PDE1C: variants seen among roughly 807,000 people sequenced by gnomAD.
The protein encoded by PDE1C is dual specificity calcium/calmodulin-dependent 3',5'-cyclic nucleotide phosphodiesterase 1C.
In PDE1C, 62 loss-of-function variants were observed where a neutral mutation model predicts 93.1. The observed-to-expected ratio is 0.67, with a 90% CI of 0.54 to 0.82. The LOEUF is 0.82. PDE1C is among the 40% of genes least tolerant of loss of function. The probability of loss-of-function intolerance (pLI) is 0.00; values close to 1 mark genes in which losing one functional copy is unlikely to be tolerated. For missense variants in PDE1C, 742 were observed against 884.6 expected, an observed-to-expected ratio of 0.84 and a Z score of 2.04; for synonymous variants, 325 against 310.1, an observed-to-expected ratio of 1.05 and a Z score of -0.50.
intron 2 of PDE1C, among the ~76,000 whole-genome samples, chr7:31,956,675 A>C (rs1808195425): frequency 6.6e-6 from 1 of 152,052 alleles, no homozygotes; most frequent in Admixed American, 6.5e-5. Flanking sequence ...AACAAAAAAA[A>C]AACCAGAATG....
chr7:31,680,942 T>G, the PDE1C span, among the ~76,000 whole-genome samples: 2 of 152,180 alleles, frequency 1.3e-5, no homozygotes, highest in Non-Finnish European at 2.9e-5. Flanking sequence ...TACCTGGTCC[T>G]GACAAGTGAG....
intron 1 of PDE1C, among the ~76,000 whole-genome samples, chr7:32,363,464 A>G (rs1226123081): frequency 6.6e-6 from 1 of 152,238 alleles, no homozygotes; most frequent in Admixed American, 6.5e-5. Flanking sequence ...CCTAGGATAC[A>G]AAGGTCCCAA....
At chr7:32,038,424 G>A (rs1328054494) in intron 2 of PDE1C, among the ~76,000 whole-genome samples, 1 of 152,136 alleles carries the variant, frequency 6.6e-6, no homozygotes, top group Admixed American at 6.5e-5. Context: ...TTTTTATTGG[G>A]AGGGCAGGCA....
intron 17 of PDE1C, among the ~76,000 whole-genome samples, chr7:31,760,759 T>TAC (rs10573498): frequency 0.28 from 42,147 of 148,358 alleles, 6,085 homozygotes; most frequent in Middle Eastern, 0.35. Flanking sequence ...CTGCAATGTG[T>TAC]ACACACACAC....
In PDE1C at chr7:32,372,442, C is replaced by T. The variant is rs556153116; in HGVS notation, c.310+55380G>A. Among the ~76,000 whole-genome samples the T allele has an allele frequency of 1.1e-4, 16 of 152,210 alleles. No homozygotes were observed. In the South Asian group the frequency reaches 3.1e-3, roughly 30 times the overall value. ...TTCTGGGACAACTGGATATCTACAT[C>T]CAAATGGAAGTTCGACCCTTCCTCA... On this transcript the variant is annotated intron_variant, in intron 1 of 1. Coordinates refer to the PDE1C transcript ENST00000672256.
intron 2 of PDE1C, among the ~76,000 whole-genome samples, chr7:31,899,589 C>T (rs986115098): frequency 6.6e-6 from 1 of 152,000 alleles, no homozygotes; most frequent in Non-Finnish European, 1.5e-5. Flanking sequence ...GATTTTACAT[C>T]ATATATGAGA....
intron 2 of PDE1C, among the ~76,000 whole-genome samples, chr7:32,041,142 C>A (rs1270662810): frequency 6.6e-6 from 1 of 152,154 alleles, no homozygotes; most frequent in African/African-American, 2.4e-5. Context: ...CTCACATAGA[C>A]TATTTCATTC....
At chr7:31,919,508 A>G (rs2128955849) in intron 2 of PDE1C, among the ~76,000 whole-genome samples, 1 of 152,336 alleles carries the variant, frequency 6.6e-6, no homozygotes, top group African/African-American at 2.4e-5. Flanking sequence ...GAGGAAATGA[A>G]TAAGTGAAAA....
chr7:31,928,603 C>T (rs575381438), intron 2 of PDE1C, among the ~76,000 whole-genome samples: 2 of 152,118 alleles, frequency 1.3e-5, no homozygotes, highest in African/African-American at 4.8e-5. Flanking sequence ...AACCCTACAA[C>T]CCAGAAGAGA....
At chr7:32,097,008 A>C (rs960065961) in intron 3 of PDE1C, among the ~76,000 whole-genome samples, 2 of 152,236 alleles carry the variant, frequency 1.3e-5, no homozygotes, top group Admixed American at 6.5e-5. Context: ...AAATGCCAGC[A>C]GGCTCAGGAC....
intron 2 of PDE1C, among the ~76,000 whole-genome samples, chr7:32,181,027 G>C (rs909801315): frequency 6.6e-6 from 1 of 152,160 alleles, no homozygotes; most frequent in African/African-American, 2.4e-5. Context: ...ATTGAAACTG[G>C]ATGTGAAATG....
chr7:32,160,242 A>G (rs17160937), intron 3 of PDE1C, among the ~76,000 whole-genome samples: 10,463 of 151,896 alleles, frequency 0.069, 592 homozygotes, highest in East Asian at 0.32. Context: ...AAATCATCAG[A>G]AAAAAAAAGT....
chr7:31,780,448 T>G (rs1316673777), intron 16 of PDE1C, among the ~76,000 whole-genome samples: 1 of 152,230 alleles, frequency 6.6e-6, no homozygotes, highest in Non-Finnish European at 1.5e-5. Context: ...TGCCCTGGTT[T>G]GTTCCATCTA....
chr7:32,275,343 C>T (rs1204585405), intron 1 of PDE1C, among the ~76,000 whole-genome samples: 3 of 152,106 alleles, frequency 2.0e-5, no homozygotes, highest in Non-Finnish European at 4.4e-5. Flanking sequence ...AGGATGCCCA[C>T]ACCCAGCCCC....
the PDE1C span, among the ~76,000 whole-genome samples, chr7:31,660,335 T>C: frequency 6.6e-6 from 1 of 152,222 alleles, no homozygotes; most frequent in Non-Finnish European, 1.5e-5. Flanking sequence ...TTCCTTTATT[T>C]ATGATCAAAG....
intron 3 of PDE1C, among the ~76,000 whole-genome samples, chr7:32,099,376 C>T (rs1047465426): frequency 1.3e-5 from 2 of 152,298 alleles, no homozygotes; most frequent in African/African-American, 4.8e-5. Context: ...ATTTCCAATA[C>T]ATAACTGTGT....
Position 32,186,087 on chromosome 7 carries a change from G to GTT in PDE1C, c.137-16133_137-16132dup, listed in dbSNP as rs10561469. On this transcript the variant is annotated intron_variant, in intron 2 of 18. Coordinates refer to the PDE1C transcript ENST00000396193. ...ACTTTTTTCCCTAATTTGTTTTTTTGTTTTTTTTTTTTTTTTTTTTTTTTT... is the reference window on the plus strand; with the variant it reads ...ACTTTTTTCCCTAATTTGTTTTTTTGTTTTTTTTTTTTTTTTTTTTTTTTTTT... Among the ~76,000 whole-genome samples, 39 of 128,596 alleles carry GTT rather than the reference G, an allele frequency of 3.0e-4. 2 individuals are homozygous for GTT. The highest frequency in any genetic ancestry group is 5.0e-4 in the African/African-American group (17 of 34,220). 84.4% of individuals were successfully genotyped at this position (128,596 alleles called of 152,430 possible). A position where few individuals can be genotyped will look rare whatever the true frequency, so the allele number is the denominator to read the frequency against.
At chr7:31,945,047 T>G (rs990159579) in intron 2 of PDE1C, among the ~76,000 whole-genome samples, 10 of 152,152 alleles carry the variant, frequency 6.6e-5, no homozygotes, top group Admixed American at 5.9e-4. Flanking sequence ...TATACATCTT[T>G]TTAAAAATTT....
At chr7:31,967,632 C>A (rs1387239818) in intron 2 of PDE1C, among the ~76,000 whole-genome samples, 5 of 152,138 alleles carry the variant, frequency 3.3e-5, no homozygotes, top group African/African-American at 9.7e-5. Context: ...CATCCTGATA[C>A]CAAAGCCTGG....
Sources: gnomAD v4.1 joint callset for allele counts (sites outside exome capture counted in the v4.1 genomes callset) on GRCh38, gnomAD v4.1.1 for gene constraint, MANE v1.5 for transcripts, NCBI Gene and HGNC (gene_info 2026-07-23, HGNC 2026-07-21) for gene names.